Variants in CFAP54 observed in about 807,000 individuals in gnomAD.
The protein encoded by CFAP54 is cilia- and flagella-associated protein 54.
A neutral mutation model predicts 370.4 loss-of-function variants in CFAP54; 290 were observed. The observed-to-expected ratio is 0.78, with a 90% confidence interval of 0.71 to 0.86. The LOEUF is 0.86. Ranked by LOEUF, CFAP54 falls within the 40% of genes least tolerant of loss-of-function variation. The probability of loss-of-function intolerance (pLI) is 0.00; values close to 1 mark genes in which losing one functional copy is unlikely to be tolerated. For missense variants in CFAP54, 3,399 were observed against 3,528.7 expected, an observed-to-expected ratio of 0.96 and a Z score of 0.93; for synonymous variants, 1,206 against 1,236.5, an observed-to-expected ratio of 0.98 and a Z score of 0.52.
At chr12:96,506,589 C>CTTTTTTTTTTTTTTTTTTTTTTTTT (rs71068809) in intron 3 of CFAP54, among the ~76,000 whole-genome samples, 1 of 130,888 alleles carries the variant, frequency 7.6e-6, no homozygotes, top group African/African-American at 2.9e-5. Context: ...CTTTTCTTTT[C>CTTTTTTTTTTTTTTTTTTTTTTTTT]TTTTTTTTTT....
intron 62 of CFAP54, among the ~76,000 whole-genome samples, chr12:96,789,805 A>G (rs549052238): frequency 6.6e-6 from 1 of 152,266 alleles, no homozygotes; most frequent in Non-Finnish European, 1.5e-5. Context: ...TCTGGAGATC[A>G]TTGTCTCTTG....
At chr12:96,644,583 G>T (rs542013053) in intron 33 of CFAP54, among the ~76,000 whole-genome samples, 175 bp downstream of exon 33, 13 of 152,262 alleles carry the variant, frequency 8.5e-5, no homozygotes, top group South Asian at 4.2e-4. Flanking sequence ...CCCGAGACTG[G>T]TAATTTATAA....
chr12:96,864,995 C>T (rs924126398), intron 67 of CFAP54, among the ~76,000 whole-genome samples: 11 of 152,108 alleles, frequency 7.2e-5, no homozygotes, highest in Non-Finnish European at 1.5e-4. Context: ...TAGGCTTGAA[C>T]AAGCCCCTAA....
rs1190580549 is a variant in CFAP54 at position 96,679,461 on chromosome 12, C to T, written c.5564-139C>T. The T allele has an allele frequency of 9.6e-6, 7 of 732,270 alleles. No individual in the cohort carries two copies. The East Asian group carries it at 1.8e-4, about 19-fold the overall frequency. The allele number at this position is 732,270 out of a possible 1,614,324, so 45.4% of individuals were successfully genotyped here. A position where few individuals can be genotyped will look rare whatever the true frequency, so the allele number is the denominator to read the frequency against. ...AAAAATTGATCTGAATGTTGAAACA[C>T]CTGCTGCAGATCTGGGGGCTTTGAA... On this transcript the variant is annotated intron_variant, in intron 39 of 67. Transcript: ENST00000524981.
intron 25 of CFAP54, among the ~76,000 whole-genome samples, chr12:96,595,279 T>C (rs1052262708): frequency 1.3e-5 from 2 of 152,030 alleles, no homozygotes; most frequent in African/African-American, 4.8e-5. Context: ...AATGAAATCA[T>C]GAGACTGATG....
intron 1 of CFAP54, among the ~76,000 whole-genome samples, chr12:96,495,282 TTCCTTCCTTCTTTCC>T (rs2136342925): frequency 1.4e-5 from 2 of 147,712 alleles, no homozygotes; most frequent in East Asian, 2.0e-4. Flanking sequence ...CCTTCCTTCC[TTCCTTCCTTCTTTCC>T]TTCCTTCCTT....
chr12:96,661,448 C>A (rs1240080898), intron 38 of CFAP54, among the ~76,000 whole-genome samples: 5 of 152,074 alleles, frequency 3.3e-5, no homozygotes, highest in African/African-American at 1.2e-4. Context: ...ATTGTGGAGG[C>A]CAGCTAAGCA....
chr12:96,656,385 T>G (rs1956923535), intron 36 of CFAP54, among the ~76,000 whole-genome samples: 1 of 116,114 alleles, frequency 8.6e-6, no homozygotes, highest in African/African-American at 2.8e-5. Context: ...GCTTTGTTGG[T>G]TTTTTTTTTG....
At chr12:96,536,307 G>T (rs147332486) in intron 12 of CFAP54, among the ~76,000 whole-genome samples, 1 of 152,256 alleles carries the variant, frequency 6.6e-6, no homozygotes, top group East Asian at 1.9e-4. Flanking sequence ...ATAACACTGG[G>T]ATTCTGATGA....
intron 1 of CFAP54, among the ~76,000 whole-genome samples, chr12:96,495,492 T>TG (rs1954941850): frequency 6.6e-6 from 1 of 151,282 alleles, no homozygotes; most frequent in African/African-American, 2.4e-5. Flanking sequence ...TTTTTGTTTT[T>TG]TTTTTTTTAG....
At chr12:96,538,780 G>C in intron 13 of CFAP54, 1 of 376,042 alleles carries the variant, frequency 2.7e-6, no homozygotes, top group Non-Finnish European at 4.9e-6. Flanking sequence ...GCAGAGTCTT[G>C]CTCTGTCCTG....
At chr12:96,787,658 C>CAG (rs1958641892) in intron 62 of CFAP54, among the ~76,000 whole-genome samples, 1 of 151,996 alleles carries the variant, frequency 6.6e-6, no homozygotes, top group South Asian at 2.1e-4. Flanking sequence ...TACTGTGTGC[C>CAG]AGAGACACTG....
rs753407791 is a variant in CFAP54, at chr12:96,569,192, G to A, written c.2619+4427G>A. Among the ~76,000 whole-genome samples the A allele has an allele frequency of 7.4e-4, 113 of 152,144 alleles. 4 individuals are homozygous for A. Among genetic ancestry groups the A allele is most frequent in the Non-Finnish European group, 1.9e-4 (13 of 68,028 alleles). ...AATGCTCCTCCATCCAAGTGTTGGCGGTTTTGAGGATGCTGTTGTTTTCTG... is the reference window on the plus strand; with the variant it reads ...AATGCTCCTCCATCCAAGTGTTGGCAGTTTTGAGGATGCTGTTGTTTTCTG... On this transcript the variant is annotated intron_variant, in intron 19 of 67. Coordinates refer to ENST00000524981, the MANE Select transcript of CFAP54 (RefSeq NM_001306084.2).
intron 39 of CFAP54, among the ~76,000 whole-genome samples, chr12:96,664,424 C>T (rs560406409): frequency 6.6e-6 from 1 of 151,970 alleles, no homozygotes; most frequent in Non-Finnish European, 1.5e-5. Context: ...AGGATAATGA[C>T]CTGCAGCTCC....
At chr12:96,751,859 C>T (rs1435331594) in intron 55 of CFAP54, among the ~76,000 whole-genome samples, 3 of 152,100 alleles carry the variant, frequency 2.0e-5, no homozygotes, top group Non-Finnish European at 2.9e-5. Flanking sequence ...GCATGCATAA[C>T]ATATTTAGAA....
chr12:96,578,049 G>A (rs935398263), intron 20 of CFAP54, among the ~76,000 whole-genome samples: 5 of 152,038 alleles, frequency 3.3e-5, no homozygotes, highest in South Asian at 2.1e-4. Flanking sequence ...GAGACAGAGC[G>A]AAATACTATC....
At chr12:96,549,318 A>G (rs1955671528) in intron 15 of CFAP54, among the ~76,000 whole-genome samples, 1 of 152,248 alleles carries the variant, frequency 6.6e-6, no homozygotes, top group Non-Finnish European at 1.5e-5. Context: ...AAACCACTAT[A>G]TGAAATGGAT....
At chr12:96,608,795 A>G (rs1469799415) in intron 26 of CFAP54, among the ~76,000 whole-genome samples, 2 of 152,168 alleles carry the variant, frequency 1.3e-5, no homozygotes, top group Non-Finnish European at 2.9e-5. Context: ...CAGGGAGGAA[A>G]AAATGAACAG....
At position 96,489,891 on chromosome 12, in the gene CFAP54, C is replaced by G. The variant is rs1049359326; in HGVS notation, c.282C>G (p.Thr94=). 1.3e-5 allele frequency: 20 copies of G among 1,534,276 alleles called. No individual in the cohort carries two copies. In the East Asian group the frequency reaches 2.2e-4, roughly 17 times the overall value. The change falls in exon 1 of 68, where the codon ACC becomes ACG. Residue 94 remains threonine, a synonymous_variant. Coordinates refer to ENST00000524981, the MANE Select transcript of CFAP54 (RefSeq NM_001306084.2). ...TGAGGAAAAAGAAGGCTTTAGCCAC[C>G]ACGGAGGAAGAGAAGCACGAATTCC... ...GFMRKKKALA[T]TEEEKHEFRR...
Sources: gnomAD v4.1 joint callset for allele counts (sites outside exome capture counted in the v4.1 genomes callset) on GRCh38, gnomAD v4.1.1 for gene constraint, MANE v1.5 for transcripts, NCBI Gene and HGNC (gene_info 2026-07-23, HGNC 2026-07-21) for gene names.